Variants in GALNS observed in about 807,000 individuals in gnomAD.
GALNS encodes the protein N-acetylgalactosamine-6-sulfatase.
In GALNS, 65 loss-of-function variants were observed where a neutral mutation model predicts 65.9. That is an observed-to-expected ratio of 0.99 (90% confidence interval 0.81 to 1.21). The LOEUF is 1.21. GALNS is among the 50% of genes most tolerant of loss of function. The probability of loss-of-function intolerance (pLI) is 0.00; values close to 1 mark genes in which losing one functional copy is unlikely to be tolerated. For missense variants in GALNS, 776 were observed against 700.7 expected, an observed-to-expected ratio of 1.11 and a Z score of -1.21; for synonymous variants, 346 against 288.9, an observed-to-expected ratio of 1.20 and a Z score of -2.00.
chr16:88,840,052 C>T (rs1345314883), intron 4 of GALNS, among the ~76,000 whole-genome samples: 2 of 152,222 alleles, frequency 1.3e-5, no homozygotes, highest in African/African-American at 2.4e-5. Context: ...TGCGTGGGGC[C>T]CAACCTCCCT....
At chr16:88,855,354 GA>G (rs1567548492) in intron 1 of GALNS, 2 of 701,084 alleles carry the variant, frequency 2.9e-6, no homozygotes, top group South Asian at 3.0e-5. Flanking sequence ...AAGAAATTCT[GA>G]AACAAAGTAT....
chr16:88,830,422 G>A (rs983549081), intron 9 of GALNS, among the ~76,000 whole-genome samples: 9 of 152,080 alleles, frequency 5.9e-5, no homozygotes, highest in Non-Finnish European at 1.3e-4. Context: ...TCTTCACTCA[G>A]CCCCATGAGC....
At chr16:88,827,138 GC>G (rs1195268898) in intron 9 of GALNS, 2 of 528,950 alleles carry the variant, frequency 3.8e-6, no homozygotes, top group African/African-American at 3.8e-5. Context: ...GCCCCTCCAG[GC>G]CCACCTGTCC....
chr16:88,817,775 T>C (rs1909783372), intron 13 of GALNS, among the ~76,000 whole-genome samples: 2 of 152,172 alleles, frequency 1.3e-5, no homozygotes, highest in Non-Finnish European at 2.9e-5. Context: ...TGGCCGGCTG[T>C]GGACCTGCGG....
At chr16:88,840,950 G>T (rs1966936690) in intron 4 of GALNS, 42 bp downstream of exon 4, 1 of 1,480,792 alleles carries the variant, frequency 6.8e-7, no homozygotes, top group Non-Finnish European at 9.4e-7. Context: ...CCAGGAAGTG[G>T]ATGGAGCAGG....
chr16:88,835,377 C>A (rs1009185150), intron 7 of GALNS, 25 bp from the exon 8 acceptor site: 1 of 1,612,980 alleles, frequency 6.2e-7, no homozygotes, highest in African/African-American at 1.3e-5. Context: ...CAAAAGGCAT[C>A]TCCATACCTG....
In GALNS at chr16:88,856,499, G is replaced by T. The variant is rs1489741979; in HGVS notation, c.120+259C>A. On this transcript the variant is annotated intron_variant, in intron 1 of 13. Transcript: ENST00000268695. ...GTCATGCAGCACAGTGGCAGCGCGT[G>T]TGGTGATCGGTGACCGCCGAGACCC... The T allele has an allele frequency of 4.3e-6, 3 of 698,700 alleles. No individual in the cohort carries two copies. The East Asian group carries it at 8.1e-5, about 19-fold the overall frequency. 43.3% of individuals were successfully genotyped at this position (698,700 alleles called of 1,614,324 possible).
At chr16:88,839,116 C>T (rs1220410736) in intron 4 of GALNS, among the ~76,000 whole-genome samples, 2 of 152,006 alleles carry the variant, frequency 1.3e-5, no homozygotes, top group Admixed American at 6.5e-5. Context: ...CGTCCACGTC[C>T]GCAGGTCACC....
At chr16:88,846,712 T>C (rs978233399) in intron 1 of GALNS, among the ~76,000 whole-genome samples, 5 of 151,962 alleles carry the variant, frequency 3.3e-5, no homozygotes, top group Non-Finnish European at 5.9e-5. Context: ...TCAGCTAGTT[T>C]TTGTATTTTT....
intron 9 of GALNS, among the ~76,000 whole-genome samples, chr16:88,829,905 G>C (rs1269477315): frequency 2.0e-5 from 3 of 152,202 alleles, no homozygotes; most frequent in African/African-American, 7.2e-5. Context: ...GGGTGAGCAG[G>C]GGGTGGGGTG....
At chr16:88,817,704 G>T (rs1416545956) in intron 13 of GALNS, among the ~76,000 whole-genome samples, 1 of 152,220 alleles carries the variant, frequency 6.6e-6, no homozygotes, top group Non-Finnish European at 1.5e-5. Context: ...AGTGACTTGT[G>T]GGGGGCAGGA....
At chr16:88,849,824 G>A (rs551883518) in intron 1 of GALNS, among the ~76,000 whole-genome samples, 1 of 152,380 alleles carries the variant, frequency 6.6e-6, no homozygotes, top group East Asian at 1.9e-4. Flanking sequence ...TGAAGCTGAT[G>A]AGGAAGAAAG....
intron 10 of GALNS, 68 bp downstream of exon 10, chr16:88,826,634 C>A (rs1347229285): frequency 6.4e-7 from 1 of 1,569,366 alleles, no homozygotes; most frequent in Non-Finnish European, 8.7e-7. Context: ...GGGGGTTGCA[C>A]CTGATTAGCA....
At chr16:88,836,654 A>G (rs1912172274) in intron 5 of GALNS, among the ~76,000 whole-genome samples, 1 of 151,678 alleles carries the variant, frequency 6.6e-6, no homozygotes, top group African/African-American at 2.4e-5. Flanking sequence ...ATCCTGTCTC[A>G]AGAAAAAAAA....
In GALNS at chr16:88,835,748, G is replaced by A. The variant is rs767033193; in HGVS notation, c.735C>T (p.Phe245=). The change falls in exon 7 of 14, where the codon TTC becomes TTT. Residue 245 remains phenylalanine (F), a synonymous_variant. Coordinates refer to ENST00000268695, the MANE Select transcript of GALNS (RefSeq NM_000512.5). The stretch of plus-strand genomic sequence containing the variant: ...ACCGCCCTCGCTGACTGGTGCCCAA[G>A]AAGGGTTTGGAGGCATAGACGGGTG... ...THAPVYASKP[F]LGTSQRGRYG... is the part of the protein sequence containing the mutation. 1.2e-6 allele frequency: 2 copies of A among 1,614,136 alleles called. No individual in the cohort carries two copies. The highest frequency in any genetic ancestry group is 2.2e-5 in the South Asian group (2 of 91,090).
In GALNS at chr16:88,814,220, G is replaced by A; in HGVS notation, c.*219C>T. ...TCTGAGGCGCCGTGGGCGAGGAGGA[G>A]GGTCCTGAAATCTGAGGCGCCGTGG... On this transcript the variant is annotated 3_prime_UTR_variant, in exon 14 of 14. Transcript: ENST00000268695. The A allele has an allele frequency of 4.7e-6, 3 of 635,838 alleles. No homozygotes were observed. Among genetic ancestry groups the A allele is most frequent in the Non-Finnish European group, 8.3e-6 (3 of 361,080 alleles). 39.4% of individuals were successfully genotyped at this position (635,838 alleles called of 1,614,324 possible).
At chr16:88,816,542 A>G in intron 13 of GALNS, 2 of 461,976 alleles carry the variant, frequency 4.3e-6, no homozygotes, top group Non-Finnish European at 5.4e-6. Context: ...CAACTAACGG[A>G]GGTGGCCCTG....
chr16:88,827,770 G>A (rs183679073), intron 9 of GALNS, among the ~76,000 whole-genome samples: 23 of 152,296 alleles, frequency 1.5e-4, no homozygotes, highest in African/African-American at 5.5e-4. Flanking sequence ...GGGGCTCCAG[G>A]CTTGGGTCAC....
intron 1 of GALNS, among the ~76,000 whole-genome samples, chr16:88,850,523 G>A (rs1967458992): frequency 1.3e-5 from 2 of 152,138 alleles, no homozygotes; most frequent in South Asian, 4.1e-4. Flanking sequence ...GGGCTTGAGG[G>A]AGGGGGCTCC....
Sources: allele counts gnomAD v4.1 joint callset (sites outside exome capture counted in the v4.1 genomes callset), GRCh38; gene constraint gnomAD v4.1.1; transcripts MANE v1.5; gene names NCBI Gene and HGNC (gene_info 2026-07-23, HGNC 2026-07-21).